SPSB4: variants seen among roughly 807,000 people sequenced by gnomAD.
The protein encoded by SPSB4 is splA/ryanodine receptor domain and SOCS box containing 4, also known as SPRY domain-containing SOCS box protein 4.
SPSB4 carries 21 observed loss-of-function variants against 20.9 expected under a neutral mutation model. The ratio of observed to expected loss-of-function variants is 1.01; its 90% CI spans 0.71 to 1.45. SPSB4 has a LOEUF of 1.45. Ranked by LOEUF, SPSB4 falls within the 40% of genes most tolerant of loss-of-function variation. The pLI is 0.00. For missense variants in SPSB4, 399 were observed against 399.2 expected, an observed-to-expected ratio of 1.00 and a Z score of 0.00; for synonymous variants, 207 against 183.8, an observed-to-expected ratio of 1.13 and a Z score of -1.02.
intron 2 of SPSB4, among the ~76,000 whole-genome samples, chr3:141,117,658 T>C (rs1201454559): frequency 6.6e-6 from 1 of 152,090 alleles, no homozygotes; most frequent in Non-Finnish European, 1.5e-5. Flanking sequence ...ATAGCCCCCA[T>C]CCCCCGCCCA....
At chr3:141,092,994 G>A (rs1238588564) in intron 2 of SPSB4, among the ~76,000 whole-genome samples, 1 of 152,158 alleles carries the variant, frequency 6.6e-6, no homozygotes, top group African/African-American at 2.4e-5. Flanking sequence ...GGAGGCTGTA[G>A]TCACACCATG....
chr3:141,074,449 A>G (rs1471546425), intron 2 of SPSB4, among the ~76,000 whole-genome samples: 1 of 152,202 alleles, frequency 6.6e-6, no homozygotes, highest in Non-Finnish European at 1.5e-5. Context: ...TTTGGTCCAC[A>G]CTGTGAAACT....
At chr3:141,093,608 G>A (rs1214467085) in intron 2 of SPSB4, among the ~76,000 whole-genome samples, 2 of 152,140 alleles carry the variant, frequency 1.3e-5, no homozygotes, top group Admixed American at 1.3e-4. Flanking sequence ...GAAGCTTCCG[G>A]TTCTCCAGAG....
intron 2 of SPSB4, among the ~76,000 whole-genome samples, chr3:141,143,101 C>T (rs1939363546): frequency 6.6e-6 from 1 of 152,088 alleles, no homozygotes; most frequent in African/African-American, 2.4e-5. Flanking sequence ...CAGGTCTGAG[C>T]CACCACGCTT....
Position 141,054,913 on chromosome 3 carries a change from C to T in SPSB4, c.-154+2921C>T, listed in dbSNP as rs552427099. ...CTGGGACGCAGAGCTTGCAGTGAGC[C>T]GAGATGGCACCACTGCACTCCAGCC... On this transcript the variant is annotated intron_variant, in intron 1 of 2. Transcript: ENST00000310546. Among the ~76,000 whole-genome samples, 108 of 151,720 alleles carry T rather than the reference C, an allele frequency of 7.1e-4. 1 individual carries two copies. Among genetic ancestry groups the T allele is most frequent in the African/African-American group, 2.4e-3 (101 of 41,328 alleles).
rs951878221 is a variant in SPSB4, at chr3:141,061,280, C to CA, written c.-153-4663dup. ...AGAAAATTCATTATAATTTATAGACCAAAAAAAAAGAGAGAATAAAGCAAA... is the reference window on the plus strand; with the variant it reads ...AGAAAATTCATTATAATTTATAGACCAAAAAAAAAAGAGAGAATAAAGCAAA... On this transcript the variant is annotated intron_variant, in intron 1 of 2. Transcript: ENST00000310546. 1.8e-3 allele frequency among the ~76,000 whole-genome samples: 267 copies of CA among 148,366 alleles called. 1 individual carries two copies. Among genetic ancestry groups the CA allele is most frequent in the African/African-American group, 5.5e-3 (225 of 40,568 alleles).
chr3:141,135,956 C>T (rs575013241), intron 2 of SPSB4, among the ~76,000 whole-genome samples: 2 of 152,284 alleles, frequency 1.3e-5, no homozygotes, highest in African/African-American at 4.8e-5. Context: ...TACAGTCCCA[C>T]CAACAGTGTA....
chr3:141,092,503 G>A (rs894894054), intron 2 of SPSB4, among the ~76,000 whole-genome samples: 1 of 152,210 alleles, frequency 6.6e-6, no homozygotes, highest in African/African-American at 2.4e-5. Flanking sequence ...ATACCTCCAT[G>A]TGCCCCTGTG....
intron 2 of SPSB4, among the ~76,000 whole-genome samples, chr3:141,078,644 G>A (rs1004050958): frequency 6.6e-6 from 1 of 152,234 alleles, no homozygotes; most frequent in African/African-American, 2.4e-5. Context: ...TGCAACCTAA[G>A]TACCAGTGGT....
chr3:141,054,665 A>T (rs1206530495), intron 1 of SPSB4, among the ~76,000 whole-genome samples: 1 of 152,210 alleles, frequency 6.6e-6, no homozygotes, highest in Non-Finnish European at 1.5e-5. Context: ...TTGAGTTCAG[A>T]ACTTACTCCA....
intron 2 of SPSB4, among the ~76,000 whole-genome samples, chr3:141,141,781 T>C (rs1939333234): frequency 6.6e-6 from 1 of 152,246 alleles, no homozygotes; most frequent in Non-Finnish European, 1.5e-5. Flanking sequence ...AGGAAGGTTG[T>C]ATATTTCAAG....
chr3:141,116,569 A>T (rs1310558577), intron 2 of SPSB4, among the ~76,000 whole-genome samples: 1 of 152,068 alleles, frequency 6.6e-6, no homozygotes, highest in Non-Finnish European at 1.5e-5. Flanking sequence ...CCAATCCCAT[A>T]CTCACCACTT....
intron 1 of SPSB4, among the ~76,000 whole-genome samples, chr3:141,063,075 T>C (rs1198219658): frequency 6.6e-6 from 1 of 152,232 alleles, no homozygotes; most frequent in Non-Finnish European, 1.5e-5. Context: ...AGTTCGGTCT[T>C]CAATTGTGGA....
At chr3:141,089,034 C>T (rs1273464623) in intron 2 of SPSB4, among the ~76,000 whole-genome samples, 2 of 152,252 alleles carry the variant, frequency 1.3e-5, no homozygotes, top group Non-Finnish European at 2.9e-5. Context: ...CAGTGTGCAA[C>T]TCGCTTCCTT....
intron 2 of SPSB4, among the ~76,000 whole-genome samples, chr3:141,145,969 A>G (rs1281580147): frequency 6.6e-6 from 1 of 152,132 alleles, no homozygotes; most frequent in Non-Finnish European, 1.5e-5. Flanking sequence ...CAGCTCTTCT[A>G]TATAAGAAAT....
chr3:141,071,862 G>A (rs992162770), intron 2 of SPSB4, among the ~76,000 whole-genome samples: 1 of 152,238 alleles, frequency 6.6e-6, no homozygotes, highest in Admixed American at 6.5e-5. Context: ...AGTATTTATT[G>A]GCTCAATGGC....
chr3:141,100,225 CAT>C (rs1194441592), intron 2 of SPSB4, among the ~76,000 whole-genome samples: 1 of 152,162 alleles, frequency 6.6e-6, no homozygotes, highest in Admixed American at 6.5e-5. Context: ...CCCACAAATT[CAT>C]ATGTTGATGT....
At chr3:141,107,404 G>A (rs1025807187) in intron 2 of SPSB4, among the ~76,000 whole-genome samples, 5 of 151,650 alleles carry the variant, frequency 3.3e-5, no homozygotes, top group East Asian at 1.9e-4. Flanking sequence ...TAAATAAGAC[G>A]AGAAGAGTCT....
intron 2 of SPSB4, among the ~76,000 whole-genome samples, chr3:141,134,056 C>CTTTTTTTTTTTTTTTTTTT (rs1222303281): frequency 1.6e-4 from 10 of 61,624 alleles, no homozygotes; most frequent in South Asian, 6.5e-4. Context: ...TTTCTTTTTT[C>CTTTTTTTTTTTTTTTTTTT]TTTTTTTTTT....
Sources: gnomAD v4.1 joint callset for allele counts (sites outside exome capture counted in the v4.1 genomes callset) on GRCh38, gnomAD v4.1.1 for gene constraint, MANE v1.5 for transcripts, NCBI Gene and HGNC (gene_info 2026-07-23, HGNC 2026-07-21) for gene names.